Variants in OGDH observed in about 807,000 individuals in gnomAD.
The protein encoded by OGDH is oxoglutarate dehydrogenase, also known as 2-oxoglutarate dehydrogenase complex component E1.
In OGDH, 38 loss-of-function variants were observed where a neutral mutation model predicts 116.6. The observed-to-expected ratio is 0.33, with a 90% CI of 0.25 to 0.43. The LOEUF (loss-of-function observed/expected upper bound fraction) is 0.43. Ranked by LOEUF, OGDH falls within the 20% of genes least tolerant of loss-of-function variation. The probability of loss-of-function intolerance (pLI) is 1.00; values close to 1 mark genes in which losing one functional copy is unlikely to be tolerated. For missense variants in OGDH, 825 were observed against 1,357.2 expected (o/e 0.61, Z 6.16); for synonymous variants, 488 against 533.3 (o/e 0.92, Z 1.17).
intron 1 of OGDH, among the ~76,000 whole-genome samples, chr7:44,623,847 TGTTGGCCAG>T (rs1785095980): frequency 6.6e-6 from 1 of 152,206 alleles, no homozygotes; most frequent in Non-Finnish European, 1.5e-5. Context: ...GGTTTCACCA[TGTTGGCCAG>T]GATGGTCTTG....
intron 1 of OGDH, among the ~76,000 whole-genome samples, chr7:44,608,223 G>A (rs1484018890): frequency 6.6e-6 from 1 of 152,058 alleles, no homozygotes; most frequent in Non-Finnish European, 1.5e-5. Flanking sequence ...CAACCAAAGT[G>A]ATACCCGGCG....
In OGDH at chr7:44,700,286, C is replaced by T; in HGVS notation, c.2559+17C>T. The T allele has an allele frequency of 1.9e-6, 3 of 1,613,746 alleles. No individual in the cohort carries two copies. The highest frequency in any genetic ancestry group is 2.5e-6 in the Non-Finnish European group (3 of 1,179,802). ...CGGAAGCCGGTCAGTGGCAGGGCCT[C>T]CCTTGCTCAAACGAGGCCTGGCCCT... On this transcript the variant is annotated intron_variant, in intron 19 of 22. Transcript: ENST00000222673.
Position 44,624,457 on chromosome 7 carries a change from G to A in OGDH, c.114G>A (p.Arg38=), listed in dbSNP as rs772910379. Residue 38 remains arginine, a synonymous_variant, in exon 2 of 23, where the codon CGG becomes CGA. Coordinates refer to ENST00000222673, the MANE Select transcript of OGDH (RefSeq NM_002541.4). ...PAAARTFQQI[R]CYSAPVAAEP... Reference sequence around the variant, plus strand: ...CAGCTAGGACATTTCAACAGATTCGGTGCTATTCTGCACCTGTTGCTGCTG... The same window carrying A: ...CAGCTAGGACATTTCAACAGATTCGATGCTATTCTGCACCTGTTGCTGCTG... 3 of 1,613,574 alleles carry A rather than the reference G, an allele frequency of 1.9e-6. No homozygotes were observed. The highest frequency in any genetic ancestry group is 1.1e-5 in the South Asian group (1 of 91,030).
chr7:44,696,000 C>G, intron 12 of OGDH, 25 bp from the exon 13 acceptor site: 2 of 1,313,064 alleles, frequency 1.5e-6, no homozygotes, highest in Non-Finnish European at 2.2e-6. Flanking sequence ...GTGCCAGTCA[C>G]GCTGTGTTGT....
At chr7:44,618,957 C>T (rs998308171) in intron 1 of OGDH, among the ~76,000 whole-genome samples, 3 of 152,170 alleles carry the variant, frequency 2.0e-5, no homozygotes, top group African/African-American at 7.2e-5. Flanking sequence ...TAGATCATAC[C>T]CTTTTTGCCT....
At chr7:44,631,429 CCTCA>C (rs1298471964) in intron 2 of OGDH, among the ~76,000 whole-genome samples, 1 of 152,138 alleles carries the variant, frequency 6.6e-6, no homozygotes, top group Non-Finnish European at 1.5e-5. Context: ...ATTTTTCAAC[CCTCA>C]CTCTCCTACC....
intron 1 of OGDH, among the ~76,000 whole-genome samples, chr7:44,616,689 A>ATATGTATATATATACACACATGTT (rs2117245257): frequency 6.8e-6 from 1 of 147,546 alleles, no homozygotes; most frequent in African/African-American, 2.5e-5. Flanking sequence ...ACACATATGT[A>ATATGTATATATATACACACATGTT]TATGTATATA....
rs1408311458 is a variant in OGDH, at chr7:44,680,488, G to A, written c.1207-1232G>A. Among the ~76,000 whole-genome samples, 4 of 151,352 alleles carry A rather than the reference G, an allele frequency of 2.6e-5. No individual in the cohort carries two copies. In the East Asian group the frequency reaches 7.8e-4, roughly 29 times the overall value. On this transcript the variant is annotated intron_variant, in intron 9 of 22. Coordinates refer to ENST00000222673, the MANE Select transcript of OGDH (RefSeq NM_002541.4). ...GGTGTGGAAGGAGGTGGCCTAGAAA[G>A]TGTTGGATTAAAATTTGGAGGTATC...
Position 44,645,474 on chromosome 7 carries a change from G to A in OGDH, c.370G>A (p.Val124Met). ...AGCACAGCCCAACGTGGACAAGCTCGTGGAGGACCACCTGGCAGTGCAGTC... is the reference window on the plus strand; with the variant it reads ...AGCACAGCCCAACGTGGACAAGCTCATGGAGGACCACCTGGCAGTGCAGTC... ...VEAQPNVDKL[V>M]EDHLAVQSLI... The change falls in exon 3 of 23, where the codon GTG (valine) becomes ATG (methionine). Residue 124 changes from valine (V) to methionine (M), a missense_variant. Physicochemically the swap from Val to Met is conservative, Grantham distance 21. Transcript: ENST00000222673. 3 of 1,614,190 alleles carry A rather than the reference G, an allele frequency of 1.9e-6. No individual in the cohort carries two copies. The highest frequency in any genetic ancestry group is 2.5e-6 in the Non-Finnish European group (3 of 1,180,032).
Position 44,656,399 on chromosome 7 carries a change from G to T in OGDH, c.517+8640G>T, listed in dbSNP as rs1156304992. On this transcript the variant is annotated intron_variant, in intron 4 of 22. Coordinates refer to ENST00000222673, the MANE Select transcript of OGDH (RefSeq NM_002541.4). ...ATGAGCTTTTCACCTTTTCAGAGTTGAGGACTTCATTTGAATAGGATGTGC... is the reference window on the plus strand; with the variant it reads ...ATGAGCTTTTCACCTTTTCAGAGTTTAGGACTTCATTTGAATAGGATGTGC... 18 of 1,528,144 alleles carry T rather than the reference G, an allele frequency of 1.2e-5. No individual in the cohort carries two copies. The East Asian group carries it at 4.2e-4, about 35-fold the overall frequency. 94.7% of individuals were successfully genotyped at this position (1,528,144 alleles called of 1,614,324 possible).
chr7:44,695,440 C>G (rs1452310092), intron 12 of OGDH, among the ~76,000 whole-genome samples: 1 of 152,138 alleles, frequency 6.6e-6, no homozygotes, highest in Non-Finnish European at 1.5e-5. Flanking sequence ...GGCGTGGTGG[C>G]TCATGCCTGT....
Position 44,697,571 on chromosome 7 carries a change from G to A in OGDH, c.2180-33G>A, listed in dbSNP as rs764715852. 1.2e-5 allele frequency: 19 copies of A among 1,613,928 alleles called. No individual in the cohort carries two copies. In the Admixed American group the frequency reaches 3.2e-4, roughly 27 times the overall value. On this transcript the variant is annotated intron_variant, in intron 16 of 22. Coordinates refer to ENST00000222673, the MANE Select transcript of OGDH (RefSeq NM_002541.4). The surrounding 1 kb of genome is among the most constrained non-coding windows in gnomAD (Gnocchi z 6.0). ...GCTGGGCCTACTGGCTGGTGTCCTG[G>A]ACATGGTTTTCTCCTTCCTTTGTCC...
intron 10 of OGDH, among the ~76,000 whole-genome samples, chr7:44,690,932 A>AT (rs906107918): frequency 1.5e-3 from 220 of 148,098 alleles, no homozygotes; most frequent in Non-Finnish European, 2.1e-3. Context: ...CTGATACACC[A>AT]TTTTTTTTTT....
chr7:44,635,506 G>C (rs1172778476), intron 2 of OGDH, among the ~76,000 whole-genome samples: 9 of 152,094 alleles, frequency 5.9e-5, no homozygotes, highest in Non-Finnish European at 1.3e-4. Context: ...ACGTGGGTGG[G>C]CTGGGCTTGT....
chr7:44,633,252 C>CAA (rs1163808681), intron 2 of OGDH, among the ~76,000 whole-genome samples: 26,819 of 81,104 alleles, frequency 0.33, 4,083 homozygotes, highest in Non-Finnish European at 0.42. Flanking sequence ...GACTCTGTGT[C>CAA]AAAAAAAAAA....
intron 2 of OGDH, among the ~76,000 whole-genome samples, chr7:44,632,412 C>G (rs1395819533): frequency 6.6e-6 from 1 of 152,210 alleles, no homozygotes; most frequent in Non-Finnish European, 1.5e-5. Flanking sequence ...GCCACTCCCC[C>G]ACGCCTCAGC....
intron 1 of OGDH, among the ~76,000 whole-genome samples, chr7:44,609,137 G>C (rs866222451): frequency 6.6e-6 from 1 of 151,990 alleles, no homozygotes; most frequent in African/African-American, 2.4e-5. Flanking sequence ...AGGATTCATA[G>C]AGCCTTTTGG....
chr7:44,703,557 G>A (rs1002304198), intron 20 of OGDH, among the ~76,000 whole-genome samples: 1 of 151,472 alleles, frequency 6.6e-6, no homozygotes, highest in African/African-American at 2.4e-5. Flanking sequence ...CCATCTCTAC[G>A]AAAAATACAA....
chr7:44,618,752 T>C (rs1362869773), intron 1 of OGDH, among the ~76,000 whole-genome samples: 1 of 152,164 alleles, frequency 6.6e-6, no homozygotes, highest in Non-Finnish European at 1.5e-5. Context: ...AAATATACTC[T>C]AATATTCCTC....
Sources: allele counts gnomAD v4.1 joint callset (sites outside exome capture counted in the v4.1 genomes callset), GRCh38; gene constraint gnomAD v4.1.1; non-coding constraint Gnocchi (gnomAD v3.1); transcripts MANE v1.5; gene names NCBI Gene and HGNC (gene_info 2026-07-23, HGNC 2026-07-21).